SCN1A: variants seen among roughly 807,000 people sequenced by gnomAD.
SCN1A encodes the protein sodium channel protein type 1 subunit alpha.
SCN1A carries 13 observed loss-of-function variants against 193.7 expected under a neutral mutation model. The observed-to-expected ratio is 0.07, with a 90% CI of 0.04 to 0.11. The LOEUF (loss-of-function observed/expected upper bound fraction) is 0.11, where lower values mean the gene tolerates loss of function less well. SCN1A is among the 10% of genes least tolerant of loss of function. The pLI is 1.00. For missense variants in SCN1A, 1,432 were observed against 2,451.1 expected (o/e 0.58, Z 8.78); for synonymous variants, 781 against 843.6 (o/e 0.93, Z 1.29).
intron 2 of SCN1A, chr2:166,081,697 T>C (rs1685543920): frequency 6.6e-6 from 1 of 151,836 alleles, no homozygotes; most frequent in Non-Finnish European, 1.5e-5. Flanking sequence ...TTGAGATTTT[T>C]TGGTTCAATA....
At chr2:166,134,433 G>A (rs1346250210) in intron 1 of SCN1A, among the ~76,000 whole-genome samples, 1 of 152,242 alleles carries the variant, frequency 6.6e-6, no homozygotes, top group Non-Finnish European at 1.5e-5. Context: ...CAGAGAGATG[G>A]ATGTGATGAA....
At chr2:166,040,765 T>G (rs1347278480) in intron 16 of SCN1A, among the ~76,000 whole-genome samples, 1 of 152,202 alleles carries the variant, frequency 6.6e-6, no homozygotes, top group Non-Finnish European at 1.5e-5. Flanking sequence ...GGTTTTGATA[T>G]AGAATAGATG....
chr2:166,013,951 T>C, intron 20 of SCN1A, 53 bp from the exon 21 acceptor site: 2 of 1,589,858 alleles, frequency 1.3e-6, no homozygotes, highest in Non-Finnish European at 1.7e-6. Context: ...TTCCATAATA[T>C]CCTTTAGCAA....
rs186165125 is a variant in SCN1A at position 166,118,273 on chromosome 2, T to A, written c.-142+8651A>T. On this transcript the variant is annotated intron_variant, in intron 2 of 28. Transcript: ENST00000674923. ...GAAAAATCACACTCCTATTTTCTTT[T>A]TCTTTGCTTACTGATTTCTATTTAG... Among the ~76,000 whole-genome samples, 1,269 of 148,630 alleles carry A rather than the reference T, an allele frequency of 8.5e-3. 10 individuals carry two copies. The highest frequency in any genetic ancestry group is 0.014 in the Non-Finnish European group (906 of 66,984).
At chr2:166,047,127 T>A in intron 11 of SCN1A, 151 bp from the exon 12 acceptor site, 1 of 854,210 alleles carries the variant, frequency 1.2e-6, no homozygotes, top group Non-Finnish European at 1.8e-6. Flanking sequence ...ATTGTTTCTT[T>A]AACTTCAGCT....
At chr2:166,030,940 T>G (rs1172496038) in intron 19 of SCN1A, among the ~76,000 whole-genome samples, 1 of 152,150 alleles carries the variant, frequency 6.6e-6, no homozygotes, top group African/African-American at 2.4e-5. Flanking sequence ...TTGCCCAGCC[T>G]TCAAAGCTCT....
At chr2:166,111,518 A>G (rs1038968633) in intron 2 of SCN1A, among the ~76,000 whole-genome samples, 5 of 152,020 alleles carry the variant, frequency 3.3e-5, no homozygotes, top group African/African-American at 9.7e-5. Context: ...ATGTACAAGG[A>G]GATTAATGTT....
At chr2:166,023,951 A>G (rs1475938169) in intron 19 of SCN1A, among the ~76,000 whole-genome samples, 1 of 151,810 alleles carries the variant, frequency 6.6e-6, no homozygotes, top group Non-Finnish European at 1.5e-5. Flanking sequence ...AATTATTTAT[A>G]TTTTTAGTAG....
intron 19 of SCN1A, among the ~76,000 whole-genome samples, chr2:166,020,979 C>A (rs1282437747): frequency 1.3e-5 from 2 of 152,102 alleles, no homozygotes; most frequent in Admixed American, 6.6e-5. Context: ...ATAAATGGAG[C>A]AGTTGAATGT....
intron 2 of SCN1A, among the ~76,000 whole-genome samples, chr2:166,084,928 T>C (rs1447629520): frequency 6.6e-6 from 1 of 152,194 alleles, no homozygotes; most frequent in African/African-American, 2.4e-5. Context: ...GGCCATACAG[T>C]GGATGAAGCC....
At chr2:166,009,684 A>G (rs917557077) in intron 23 of SCN1A, 35 bp downstream of exon 23, 13 of 1,582,922 alleles carry the variant, frequency 8.2e-6, no homozygotes, top group South Asian at 2.3e-5. Context: ...AATTTTGGCT[A>G]TATACAATAC....
At chr2:166,066,118 G>A (rs73969779) in intron 4 of SCN1A, among the ~76,000 whole-genome samples, 12 of 152,002 alleles carry the variant, frequency 7.9e-5, no homozygotes, top group African/African-American at 2.9e-4. Context: ...TGCAGAAGGT[G>A]CCTCCCTAGA....
chr2:165,990,911 A>C lies in SCN1A; in HGVS notation c.*334T>G, dbSNP rs928319917. The C allele has an allele frequency of 1.5e-5, 4 of 269,322 alleles. No homozygotes were observed. The highest frequency in any genetic ancestry group is 9.8e-5 in the Admixed American group (2 of 20,364). 16.7% of individuals were successfully genotyped at this position (269,322 alleles called of 1,614,324 possible). On this transcript the variant is annotated 3_prime_UTR_variant, in exon 29 of 29. Transcript: ENST00000674923. ...TGCAAACAGTGGATACAATTACTAC[A>C]CTAAAGTGTTTCATGTTAAACAACC...
chr2:166,039,610 A>G lies in SCN1A; in HGVS notation c.2416-14T>C, dbSNP rs764347582. On this transcript the variant is annotated splice_polypyrimidine_tract_variant and intron_variant, in intron 16 of 28. Coordinates refer to ENST00000674923, the MANE Select transcript of SCN1A (RefSeq NM_001165963.4). ...CCCAGTGAAAACCTAAGATCAAAACAAAATTAATCTAATTCCACCAGATAA... is the reference window on the plus strand; with the variant it reads ...CCCAGTGAAAACCTAAGATCAAAACGAAATTAATCTAATTCCACCAGATAA... 1 of 1,608,578 alleles carries G rather than the reference A, an allele frequency of 6.2e-7. No homozygotes were observed. The highest frequency in any genetic ancestry group is 1.1e-5 in the South Asian group (1 of 90,914).
chr2:166,050,320 A>T (rs1357611856), intron 9 of SCN1A, among the ~76,000 whole-genome samples: 1 of 151,722 alleles, frequency 6.6e-6, no homozygotes, highest in East Asian at 1.9e-4. Flanking sequence ...GAAATGAACC[A>T]TTTTATTTAT....
chr2:166,123,709 TG>T (rs1167584459), intron 2 of SCN1A: 2 of 152,214 alleles, frequency 1.3e-5, no homozygotes, highest in Admixed American at 6.5e-5. Context: ...GACTGATTTA[TG>T]TTTTTTTTAA....
chr2:166,047,051 T>C, intron 11 of SCN1A, 75 bp from the exon 12 acceptor site: 1 of 1,506,062 alleles, frequency 6.6e-7, no homozygotes, highest in South Asian at 1.1e-5. Context: ...AATTTACTCA[T>C]GTGTCTAGCA....
At chr2:166,143,718 C>T (rs2106305623) in intron 1 of SCN1A, among the ~76,000 whole-genome samples, 1 of 152,286 alleles carries the variant, frequency 6.6e-6, no homozygotes. Flanking sequence ...TCATCTAATT[C>T]AGGCTCTCAG....
rs909414130 is a variant in SCN1A at position 166,061,371 on chromosome 2, A to C, written c.265-2683T>G. Among the ~76,000 whole-genome samples the C allele has an allele frequency of 1.4e-4, 22 of 152,318 alleles. No homozygotes were observed. The East Asian group carries it at 1.7e-3, about 12-fold the overall frequency. ...CCAAACACAAAAGGTTCCAAAAAGG[A>C]AGTCTGCCTAGAAGTAAAAAGAGCA... On this transcript the variant is annotated intron_variant, in intron 4 of 28. Transcript: ENST00000674923.
Sources: gnomAD v4.1 joint callset for allele counts (sites outside exome capture counted in the v4.1 genomes callset) on GRCh38, gnomAD v4.1.1 for gene constraint, MANE v1.5 for transcripts, NCBI Gene and HGNC (gene_info 2026-07-23, HGNC 2026-07-21) for gene names.